DIS3L2: variants seen among roughly 807,000 people sequenced by gnomAD.
DIS3L2 encodes DIS3 like 3'-5' exoribonuclease 2.
Under a neutral mutation model 97.5 loss-of-function variants are expected in DIS3L2, and 34 were observed. The ratio of observed to expected loss-of-function variants is 0.35; its 90% CI spans 0.27 to 0.46. DIS3L2 has a LOEUF of 0.46. DIS3L2 is among the 20% of genes least tolerant of loss of function. The probability of loss-of-function intolerance (pLI) is 1.00; values close to 1 mark genes in which losing one functional copy is unlikely to be tolerated. For synonymous variants in DIS3L2, 435 were observed against 445.2 expected, an observed-to-expected ratio of 0.98 and a Z score of 0.29; for missense variants, 1,038 against 1,146.0, an observed-to-expected ratio of 0.91 and a Z score of 1.36.
rs368468992 is a variant in DIS3L2 at position 232,015,495 on chromosome 2, T to A, written c.53-19T>A. The A allele has an allele frequency of 6.2e-7, 1 of 1,608,986 alleles. No individual in the cohort carries two copies. The highest frequency in any genetic ancestry group is 1.1e-5 in the South Asian group (1 of 90,524). On this transcript the variant is annotated intron_variant, in intron 2 of 20. Coordinates refer to ENST00000325385, the MANE Select transcript of DIS3L2 (RefSeq NM_152383.5). ...ACAGATGTTTGAGGAAAGAGTTGAT[T>A]GCTGCCTCCTGTTTCTAGGTGTGTC... is the stretch of plus-strand genomic sequence containing the variant.
At chr2:232,339,624 G>T, downstream of DIS3L2, 1 of 435,706 alleles carries the variant, frequency 2.3e-6, no homozygotes, top group Non-Finnish European at 4.7e-6. Context: ...CCAGGCCACT[G>T]CAGGGTGTTC....
rs1559216207 is a variant in DIS3L2, at chr2:232,329,908, CG to C, written c.1836del (p.Gln614LysfsTer31). 6.2e-7 allele frequency: 1 copy of C among 1,612,940 alleles called. No homozygotes were observed. The highest frequency in any genetic ancestry group is 8.5e-7 in the Non-Finnish European group (1 of 1,179,746). On this transcript the variant is annotated frameshift_variant, in exon 15 of 21. Transcript: ENST00000325385. LOFTEE classifies it high-confidence loss of function. ...CAGGCCCTGCTGCGCCGGCACCCCC[CG>C]CCCCAAACAAGGATGCTCAGTGACC... ...PEQALLRRHP[P>X]PQTRMLSDLV...
intron 13 of DIS3L2, among the ~76,000 whole-genome samples, chr2:232,290,388 A>G (rs1559195307): frequency 6.6e-6 from 1 of 152,190 alleles, no homozygotes. Flanking sequence ...GGGATCAGGG[A>G]CGAGCTCTTC....
chr2:232,276,297 C>T lies in DIS3L2; in HGVS notation c.1659+12857C>T, dbSNP rs182489076. Among the ~76,000 whole-genome samples, 13 of 152,338 alleles carry T rather than the reference C, an allele frequency of 8.5e-5. No homozygotes were observed. Among genetic ancestry groups the T allele is most frequent in the Admixed American group, 5.2e-4 (8 of 15,304 alleles). ...GAAACTGATTTGCTACTGTCAGTTT[C>T]GACCCGTAAATAACAGGGCGCTCTC... On this transcript the variant is annotated intron_variant, in intron 13 of 20. Transcript: ENST00000325385. This position sits in a 1 kb window ranked among gnomAD's most constrained non-coding sequence, Gnocchi z 4.4.
At chr2:232,077,726 G>A (rs966563807) in intron 5 of DIS3L2, among the ~76,000 whole-genome samples, 2 of 152,098 alleles carry the variant, frequency 1.3e-5, no homozygotes, top group African/African-American at 4.8e-5. Flanking sequence ...GGTAATAAGT[G>A]CAGTCAGCTG....
Position 232,172,622 on chromosome 2 carries a change from G to A in DIS3L2, c.1124+8990G>A, listed in dbSNP as rs762114123. ...ATATTTGTGTACAGGTTTTGGTGTG[G>A]ACATTCAGTTATTTTGGGTATACAC... On this transcript the variant is annotated intron_variant, in intron 9 of 20. Coordinates refer to ENST00000325385, the MANE Select transcript of DIS3L2 (RefSeq NM_152383.5). The A allele has an allele frequency of 8.0e-6, 4 of 501,350 alleles. No homozygotes were observed. The East Asian group carries it at 1.8e-4, about 22-fold the overall frequency. 31.1% of individuals were successfully genotyped at this position (501,350 alleles called of 1,614,324 possible).
intron 1 of DIS3L2, among the ~76,000 whole-genome samples, chr2:231,999,446 A>G (rs1023845351): frequency 7.2e-5 from 11 of 152,252 alleles, no homozygotes; most frequent in Non-Finnish European, 1.5e-5. Context: ...ATATAGACGC[A>G]TCCGTATTTC....
At chr2:232,195,841 T>C (rs1691737916) in intron 9 of DIS3L2, among the ~76,000 whole-genome samples, 1 of 152,176 alleles carries the variant, frequency 6.6e-6, no homozygotes, top group African/African-American at 2.4e-5. Context: ...GCTGCATATC[T>C]CTTAAACCAT....
intron 1 of DIS3L2, among the ~76,000 whole-genome samples, chr2:232,012,537 C>T (rs567404805): frequency 6.7e-6 from 1 of 149,156 alleles, no homozygotes; most frequent in East Asian, 1.9e-4. Flanking sequence ...CGACTCCTCG[C>T]CCCAACCAAG....
Position 232,337,137 on chromosome 2 carries a change from A to C in DIS3L2, c.*507A>C, listed in dbSNP as rs1695986094. 1 of 1,009,998 alleles carries C rather than the reference A, an allele frequency of 9.9e-7. No homozygotes were observed. Among genetic ancestry groups the C allele is most frequent in the African/African-American group, 1.7e-5 (1 of 57,248 alleles). 62.6% of individuals were successfully genotyped at this position (1,009,998 alleles called of 1,614,324 possible). ...CACGATTCAGAGCTGGCTGCCTGGC[A>C]GATGATTGATACTGGAGTCTCATTC... On this transcript the variant is annotated 3_prime_UTR_variant, in exon 21 of 21. Transcript: ENST00000325385.
At chr2:232,017,820 T>G (rs1694399618) in intron 3 of DIS3L2, among the ~76,000 whole-genome samples, 1 of 152,222 alleles carries the variant, frequency 6.6e-6, no homozygotes, top group East Asian at 1.9e-4. Flanking sequence ...GAAGCCTCAT[T>G]TTAATTCTCC....
chr2:231,966,564 G>C (rs1239770675), intron 1 of DIS3L2, among the ~76,000 whole-genome samples: 1 of 150,300 alleles, frequency 6.7e-6, no homozygotes, highest in South Asian at 2.1e-4. Flanking sequence ...TCCCAGGCTC[G>C]AGTGATCTTC....
At chr2:232,309,532 G>A (rs1184443304) in intron 14 of DIS3L2, among the ~76,000 whole-genome samples, 4 of 152,128 alleles carry the variant, frequency 2.6e-5, no homozygotes, top group Admixed American at 2.0e-4. Context: ...GTTTTTTTGA[G>A]ATAGGATCTC....
At chr2:232,155,140 G>A (rs1033578030) in intron 8 of DIS3L2, among the ~76,000 whole-genome samples, 3 of 151,240 alleles carry the variant, frequency 2.0e-5, no homozygotes, top group African/African-American at 7.3e-5. Flanking sequence ...ACCTCAGATG[G>A]AAATGCAGAA....
At chr2:232,097,224 G>A (rs1697048298) in intron 6 of DIS3L2, among the ~76,000 whole-genome samples, 3 of 152,142 alleles carry the variant, frequency 2.0e-5, no homozygotes, top group Admixed American at 2.0e-4. Flanking sequence ...GGATTACCAG[G>A]CAGAGACTCT....
At chr2:232,278,402 C>G (rs945656380) in intron 13 of DIS3L2, among the ~76,000 whole-genome samples, 2 of 152,152 alleles carry the variant, frequency 1.3e-5, no homozygotes, top group African/African-American at 4.8e-5. Context: ...GTAATTGCCA[C>G]CACAATCAAG....
At position 232,333,846 on chromosome 2, in the gene DIS3L2, C is replaced by T. The variant is rs1202069699; in HGVS notation, c.2017C>T (p.Leu673=). The T allele has an allele frequency of 3.7e-6, 6 of 1,611,108 alleles. No homozygotes were observed. Among genetic ancestry groups the T allele is most frequent in the Non-Finnish European group, 4.2e-6 (5 of 1,179,066 alleles). Residue 673 remains leucine (L), a synonymous_variant, in exon 17 of 21, where the codon CTG becomes TTG. Transcript: ENST00000325385. ...GACCCATCCCGTCCCGCAGATGGCA[C>T]TGTACTTCTGCTCGGGGCTGCTGCA... ...NMCSRPMQMA[L]YFCSGLLQDP...
chr2:232,015,193 A>G (rs886238082), intron 2 of DIS3L2, among the ~76,000 whole-genome samples: 2 of 152,242 alleles, frequency 1.3e-5, no homozygotes, highest in Non-Finnish European at 2.9e-5. Context: ...AATTTCCTCT[A>G]GAAAAGTGGC....
intron 14 of DIS3L2, among the ~76,000 whole-genome samples, chr2:232,305,597 T>G (rs1220911992): frequency 6.6e-6 from 1 of 152,218 alleles, no homozygotes; most frequent in East Asian, 1.9e-4. Context: ...ATTCTCTTAT[T>G]TCTTGTGTCT....
Sources: allele counts gnomAD v4.1 joint callset (sites outside exome capture counted in the v4.1 genomes callset), GRCh38; gene constraint gnomAD v4.1.1; non-coding constraint Gnocchi (gnomAD v3.1); transcripts MANE v1.5; gene names NCBI Gene and HGNC (gene_info 2026-07-23, HGNC 2026-07-21).